Variants in RGS7BP observed in about 807,000 individuals in gnomAD.
RGS7BP encodes regulator of G protein signaling 7 binding protein.
A neutral mutation model predicts 31.3 loss-of-function variants in RGS7BP; 9 were observed. The observed-to-expected ratio is 0.29, with a 90% CI of 0.17 to 0.50. The LOEUF is 0.50. Among genes scored for constraint, RGS7BP ranks in the 20% least tolerant of loss-of-function variants. RGS7BP has a pLI of 0.98. For synonymous variants in RGS7BP, 115 were observed against 120.1 expected (o/e 0.96, Z 0.28); for missense variants, 274 against 322.0 (o/e 0.85, Z 1.14).
intron 3 of RGS7BP, among the ~76,000 whole-genome samples, chr5:64,578,294 C>T (rs1742489346): frequency 6.6e-6 from 1 of 152,184 alleles, no homozygotes; most frequent in Admixed American, 6.5e-5. Flanking sequence ...CTGTGTACAA[C>T]TCGTAAAAAG....
intron 2 of RGS7BP, among the ~76,000 whole-genome samples, chr5:64,567,721 T>C (rs531056693): frequency 2.6e-5 from 4 of 152,282 alleles, no homozygotes; most frequent in Non-Finnish European, 5.9e-5. Context: ...CATCACTAAC[T>C]TAATGACATA....
chr5:64,579,215 G>T (rs6449740), intron 3 of RGS7BP, among the ~76,000 whole-genome samples: 128,569 of 152,076 alleles, frequency 0.85, 54,704 homozygotes, highest in African/African-American at 0.91. Flanking sequence ...TCTCAATTAA[G>T]TTAGGAGTAA....
At chr5:64,556,443 AC>A (rs1741929045) in intron 2 of RGS7BP, among the ~76,000 whole-genome samples, 2 of 150,964 alleles carry the variant, frequency 1.3e-5, no homozygotes, top group African/African-American at 2.4e-5. Flanking sequence ...ACACACACAC[AC>A]ACACACACAC....
chr5:64,539,369 A>C (rs1242193596), intron 2 of RGS7BP: 2 of 152,184 alleles, frequency 1.3e-5, no homozygotes, highest in Non-Finnish European at 2.9e-5. Flanking sequence ...ATTTTTAAAA[A>C]TTTTGATAAA....
intron 2 of RGS7BP, among the ~76,000 whole-genome samples, chr5:64,572,934 C>T (rs973260550): frequency 6.7e-6 from 1 of 149,528 alleles, no homozygotes; most frequent in African/African-American, 2.5e-5. Context: ...CGTCATTTAG[C>T]ATTAGGTATA....
In RGS7BP at chr5:64,598,248, G is replaced by C. The variant is rs1743127087; in HGVS notation, c.612-117G>C. On this transcript the variant is annotated intron_variant, in intron 4 of 5. Coordinates refer to ENST00000334025, the MANE Select transcript of RGS7BP (RefSeq NM_001029875.3). ...TTCAATATTTGCCTACTGGAAACTA[G>C]AGCTAGTGCAATTAGACACAGACCC... The C allele has an allele frequency of 9.0e-6, 6 of 663,646 alleles. No individual in the cohort carries two copies. In the Admixed American group the frequency reaches 1.2e-4, roughly 13 times the overall value. The allele number at this position is 663,646 out of a possible 1,614,324, so 41.1% of individuals were successfully genotyped here.
chr5:64,589,604 A>C (rs1476292243), intron 3 of RGS7BP, among the ~76,000 whole-genome samples: 2 of 152,160 alleles, frequency 1.3e-5, no homozygotes, highest in Admixed American at 6.5e-5. Flanking sequence ...GAAAATGAAA[A>C]AGGCAAGGAT....
intron 2 of RGS7BP, among the ~76,000 whole-genome samples, chr5:64,547,102 T>C (rs1741676663): frequency 6.6e-6 from 1 of 152,250 alleles, no homozygotes; most frequent in Non-Finnish European, 1.5e-5. Flanking sequence ...CTGTATTTCA[T>C]TGTATATATG....
At chr5:64,550,573 A>AT (rs1355709891) in intron 2 of RGS7BP, among the ~76,000 whole-genome samples, 1 of 149,684 alleles carries the variant, frequency 6.7e-6, no homozygotes, top group Non-Finnish European at 1.5e-5. Context: ...AAACAAATGC[A>AT]TTTTTTTAAT....
intron 2 of RGS7BP, among the ~76,000 whole-genome samples, chr5:64,573,013 T>C (rs1467651201): frequency 7.8e-6 from 1 of 127,692 alleles, no homozygotes; most frequent in Non-Finnish European, 1.6e-5. Flanking sequence ...GTTCCCCTTC[T>C]TGTGTCCATG....
chr5:64,582,116 G>GA (rs1324376803), intron 3 of RGS7BP, among the ~76,000 whole-genome samples: 9 of 152,174 alleles, frequency 5.9e-5, no homozygotes, highest in African/African-American at 2.2e-4. Flanking sequence ...TGTTTATGGT[G>GA]AAAAATAGTT....
At chr5:64,586,307 C>T (rs1036718117) in intron 3 of RGS7BP, among the ~76,000 whole-genome samples, 44 of 152,216 alleles carry the variant, frequency 2.9e-4, no homozygotes, top group Non-Finnish European at 4.3e-4. Flanking sequence ...CACCAGTAAT[C>T]CCCACCTCGC....
chr5:64,539,127 G>A (rs1437526063), intron 2 of RGS7BP, among the ~76,000 whole-genome samples: 5 of 152,078 alleles, frequency 3.3e-5, no homozygotes, highest in Non-Finnish European at 5.9e-5. Context: ...CTAATGACTC[G>A]AGATGTGAAG....
Position 64,606,045 on chromosome 5 carries a change from G to T in RGS7BP, c.683-3116G>T, listed in dbSNP as rs567327014. On this transcript the variant is annotated intron_variant, in intron 5 of 5. Transcript: ENST00000334025. Reference sequence around the variant, plus strand: ...ACATATATATATATATATATAGAGAGAGAGAGAGAGAGAGAAGGCTGAGCG... The same window carrying T: ...ACATATATATATATATATATAGAGATAGAGAGAGAGAGAGAAGGCTGAGCG... Among the ~76,000 whole-genome samples the T allele has an allele frequency of 8.3e-4, 120 of 144,216 alleles. 5 individuals carry two copies. The highest frequency in any genetic ancestry group is 1.4e-3 in the Non-Finnish European group (91 of 65,614). The allele number at this position is 144,216 out of a possible 152,430, so 94.6% of individuals were successfully genotyped here.
At chr5:64,543,267 A>C (rs1252097019) in intron 2 of RGS7BP, among the ~76,000 whole-genome samples, 3 of 152,258 alleles carry the variant, frequency 2.0e-5, no homozygotes, top group Non-Finnish European at 4.4e-5. Flanking sequence ...GCCAAGACAG[A>C]ATCAAAAGTA....
At chr5:64,515,380 A>G (rs1246314358) in intron 2 of RGS7BP, among the ~76,000 whole-genome samples, 1 of 152,242 alleles carries the variant, frequency 6.6e-6, no homozygotes, top group African/African-American at 2.4e-5. Context: ...ATTAAAACAA[A>G]TCAGCAGGCA....
chr5:64,550,374 A>G (rs983918495), intron 2 of RGS7BP, among the ~76,000 whole-genome samples: 1 of 152,122 alleles, frequency 6.6e-6, no homozygotes, highest in Admixed American at 6.5e-5. Context: ...AAGAGAGAAC[A>G]AGCTTTCTGA....
chr5:64,519,224 C>T (rs1002271383), intron 2 of RGS7BP, among the ~76,000 whole-genome samples: 3 of 152,158 alleles, frequency 2.0e-5, no homozygotes, highest in African/African-American at 7.2e-5. Context: ...GTAGATCCCT[C>T]AGCATCAACC....
intron 3 of RGS7BP, among the ~76,000 whole-genome samples, chr5:64,587,741 T>A (rs1742796527): frequency 6.6e-6 from 1 of 152,184 alleles, no homozygotes; most frequent in African/African-American, 2.4e-5. Flanking sequence ...TATATCTCTC[T>A]GGAATAGGGG....
Sources: allele counts gnomAD v4.1 joint callset (sites outside exome capture counted in the v4.1 genomes callset), GRCh38; gene constraint gnomAD v4.1.1; transcripts MANE v1.5; gene names NCBI Gene and HGNC (gene_info 2026-07-23, HGNC 2026-07-21).